Variants in ABCA1 observed in about 807,000 individuals in gnomAD.
The protein encoded by ABCA1 is ATP binding cassette subfamily A member 1, also known as phospholipid-transporting ATPase ABCA1.
Under a neutral mutation model 262.5 loss-of-function variants are expected in ABCA1, and 133 were observed. The observed-to-expected ratio is 0.51, with a 90% CI of 0.44 to 0.59. The LOEUF is 0.59. Ranked by LOEUF, ABCA1 falls within the 20% of genes least tolerant of loss-of-function variation. The pLI, the probability that ABCA1 is intolerant of heterozygous loss-of-function variation, is 0.00. For missense variants in ABCA1, 2,452 were observed against 2,777.5 expected, an observed-to-expected ratio of 0.88 and a Z score of 2.63; for synonymous variants, 1,022 against 1,043.5, an observed-to-expected ratio of 0.98 and a Z score of 0.40.
chr9:104,864,424 T>G (rs1232841164), intron 5 of ABCA1, among the ~76,000 whole-genome samples: 1 of 152,046 alleles, frequency 6.6e-6, no homozygotes, highest in Non-Finnish European at 1.5e-5. Context: ...TAAGCTGGTG[T>G]CTTCAGTTGA....
At chr9:104,921,562 C>T (rs941286085) in intron 1 of ABCA1, among the ~76,000 whole-genome samples, 1 of 152,172 alleles carries the variant, frequency 6.6e-6, no homozygotes, top group Non-Finnish European at 1.5e-5. Flanking sequence ...AAAAAGTAAC[C>T]TGGCCTAAAT....
At chr9:104,797,776 T>C (rs1830024113) in intron 37 of ABCA1, among the ~76,000 whole-genome samples, 1 of 152,226 alleles carries the variant, frequency 6.6e-6, no homozygotes, top group African/African-American at 2.4e-5. Flanking sequence ...AATGAGAGTA[T>C]GAGAGTTATT....
At chr9:104,856,862 CATTCATA>C (rs545738858) in intron 7 of ABCA1, among the ~76,000 whole-genome samples, 1 of 152,126 alleles carries the variant, frequency 6.6e-6, no homozygotes, top group Non-Finnish European at 1.5e-5. Flanking sequence ...AGTTTTGTAC[CATTCATA>C]ATAACCTTTC....
Position 104,884,486 on chromosome 9 carries a change from A to G in ABCA1, c.243T>C (p.Cys81=), listed in dbSNP as rs1838976382. The G allele has an allele frequency of 6.2e-7, 1 of 1,614,232 alleles. No homozygotes were observed. Among genetic ancestry groups the G allele is most frequent in the African/African-American group, 1.3e-5 (1 of 75,046 alleles). Residue 81 remains cysteine, a synonymous_variant, in exon 4 of 50, where the codon TGT becomes TGC. Transcript: ENST00000374736. ...CCTCCCCAGGAGTCGGGTAACGGAA[A>G]CAGGGGTTGTTGGCATTACAGATAA... ...QGIICNANNP[C]FRYPTPGEAP...
intron 1 of ABCA1, among the ~76,000 whole-genome samples, chr9:104,912,156 AAAC>A (rs1841537476): frequency 6.6e-6 from 1 of 152,264 alleles, no homozygotes; most frequent in Non-Finnish European, 1.5e-5. Flanking sequence ...GTAAAAACTG[AAAC>A]AAGAAATCTA....
At chr9:104,887,828 G>A (rs1292040569) in intron 3 of ABCA1, among the ~76,000 whole-genome samples, 2 of 147,798 alleles carry the variant, frequency 1.4e-5, no homozygotes, top group Non-Finnish European at 3.0e-5. Context: ...GCAGGTTGAA[G>A]CAATTCTCCT....
chr9:104,871,989 C>A (rs146279863), intron 5 of ABCA1, among the ~76,000 whole-genome samples: 2 of 152,170 alleles, frequency 1.3e-5, no homozygotes, highest in African/African-American at 4.8e-5. Flanking sequence ...GGATGAGATT[C>A]TTCCTAAGGC....
intron 7 of ABCA1, among the ~76,000 whole-genome samples, chr9:104,857,130 C>A (rs906907888): frequency 1.3e-5 from 2 of 152,156 alleles, no homozygotes; most frequent in African/African-American, 4.8e-5. Flanking sequence ...ATAGTGAAAC[C>A]CTATGTCTAC....
At chr9:104,826,124 C>T (rs1220724722) in intron 16 of ABCA1, among the ~76,000 whole-genome samples, 6 of 152,180 alleles carry the variant, frequency 3.9e-5, no homozygotes, top group Non-Finnish European at 8.8e-5. Flanking sequence ...AATGCATATA[C>T]AGTGAAGCAT....
At chr9:104,803,193 G>T in intron 33 of ABCA1, 91 bp downstream of exon 33, 2 of 1,447,370 alleles carry the variant, frequency 1.4e-6, no homozygotes, top group South Asian at 2.3e-5. Context: ...GTGTGTGAGT[G>T]ACAAACAATC....
At chr9:104,821,549 A>ACC in intron 19 of ABCA1, 43 bp from the exon 20 acceptor site, 1 of 1,611,328 alleles carries the variant, frequency 6.2e-7, no homozygotes, top group African/African-American at 1.3e-5. Flanking sequence ...GGGTTGACCT[A>ACC]CCCTTAACTC....
intron 21 of ABCA1, 29 bp downstream of exon 21, chr9:104,819,898 G>C: frequency 6.2e-7 from 1 of 1,610,532 alleles, no homozygotes; most frequent in South Asian, 1.1e-5. Flanking sequence ...GGAGGGGAGA[G>C]GGATAGGGAA....
chr9:104,799,581 A>C, intron 36 of ABCA1: 1 of 985,220 alleles, frequency 1.0e-6, no homozygotes, highest in Non-Finnish European at 1.2e-6. Context: ...CTTTATATGA[A>C]TTCACTAAAT....
At position 104,838,573 on chromosome 9, in the gene ABCA1, C is replaced by T. The variant is rs1407570325; in HGVS notation, c.1055-1006G>A. Among the ~76,000 whole-genome samples, 7 of 149,162 alleles carry T rather than the reference C, an allele frequency of 4.7e-5. No homozygotes were observed. In the South Asian group the frequency reaches 6.4e-4, roughly 14 times the overall value. On this transcript the variant is annotated intron_variant, in intron 9 of 49. Transcript: ENST00000374736. The stretch of plus-strand genomic sequence containing the variant: ...CGGAGCTTGCAGTGAGCCGAGATGG[C>T]GCCACTGCACTCCAGCCTGGGCAAC...
intron 48 of ABCA1, 46 bp from the exon 49 acceptor site, chr9:104,785,685 A>G (rs1370308807): frequency 3.7e-6 from 6 of 1,610,666 alleles, no homozygotes; most frequent in South Asian, 3.3e-5. Flanking sequence ...CCAGAAAACT[A>G]TTTAAAAGAA....
chr9:104,793,450 G>A, intron 40 of ABCA1, 150 bp from the exon 41 acceptor site: 1 of 1,177,266 alleles, frequency 8.5e-7, no homozygotes, highest in South Asian at 1.3e-5. Context: ...AGAGTAACAA[G>A]AGAGTGATCA....
chr9:104,901,513 A>G (rs1460986418), intron 2 of ABCA1, among the ~76,000 whole-genome samples: 2 of 152,190 alleles, frequency 1.3e-5, no homozygotes, highest in Non-Finnish European at 2.9e-5. Flanking sequence ...GGCCCCCTCT[A>G]CCAGGATAAG....
intron 19 of ABCA1, among the ~76,000 whole-genome samples, 156 bp downstream of exon 19, chr9:104,822,340 A>G (rs187549666): frequency 1.3e-5 from 2 of 152,332 alleles, no homozygotes; most frequent in Admixed American, 1.3e-4. Flanking sequence ...ACGTGGAAAG[A>G]CACTCATGAT....
Position 104,858,554 on chromosome 9 carries a change from G to T in ABCA1, c.688C>A (p.Arg230Ser). The T allele has an allele frequency of 1.1e-5, 18 of 1,614,124 alleles. No homozygotes were observed. The highest frequency in any genetic ancestry group is 1.5e-5 in the Non-Finnish European group (18 of 1,180,022). Residue 230 changes from arginine to serine, a missense_variant, in exon 7 of 50, where the codon CGT becomes AGT. Physicochemically the swap from Arg to Ser is moderately radical, Grantham distance 110. Coordinates refer to ENST00000374736, the MANE Select transcript of ABCA1 (RefSeq NM_005502.4). Reference sequence around the variant, plus strand: ...GGCTTCAGGATGTCCATGTTGGAACGAAGTACTCGCTCTGCTGCAGCCAGT... The same window carrying T: ...GGCTTCAGGATGTCCATGTTGGAACTAAGTACTCGCTCTGCTGCAGCCAGT... ...EKLAAAERVL[R>S]SNMDILKPIL...
Sources: allele counts gnomAD v4.1 joint callset (sites outside exome capture counted in the v4.1 genomes callset), GRCh38; gene constraint gnomAD v4.1.1; transcripts MANE v1.5; gene names NCBI Gene and HGNC (gene_info 2026-07-23, HGNC 2026-07-21).